The following SNX6 variants were observed in gnomAD, a reference collection of about 807,000 sequenced individuals.
The protein encoded by SNX6 is sorting nexin-6.
In SNX6, 34 loss-of-function variants were observed where a neutral mutation model predicts 63.0. The ratio of observed to expected loss-of-function variants is 0.54; its 90% CI spans 0.41 to 0.72. The LOEUF is 0.72. Ranked by LOEUF, SNX6 falls within the 30% of genes least tolerant of loss-of-function variation. The probability of loss-of-function intolerance (pLI) is 0.00; values close to 1 mark genes in which losing one functional copy is unlikely to be tolerated. For missense variants in SNX6, 398 were observed against 471.4 expected (o/e 0.84, Z 1.44); for synonymous variants, 170 against 164.2 (o/e 1.04, Z -0.27).
At chr14:34,602,206 A>G (rs1260109502) in intron 6 of SNX6, among the ~76,000 whole-genome samples, 1 of 151,834 alleles carries the variant, frequency 6.6e-6, no homozygotes, top group Non-Finnish European at 1.5e-5. Context: ...TGGGAGGATC[A>G]CCTGAGGCTG....
At chr14:34,592,187 A>C (rs1430273279) in intron 8 of SNX6, among the ~76,000 whole-genome samples, 1 of 152,134 alleles carries the variant, frequency 6.6e-6, no homozygotes, top group Non-Finnish European at 1.5e-5. Flanking sequence ...GGAGTTCAAG[A>C]CCATCCTGGC....
chr14:34,588,480 A>G (rs916523188), intron 8 of SNX6, among the ~76,000 whole-genome samples: 2 of 151,976 alleles, frequency 1.3e-5, no homozygotes, highest in African/African-American at 4.8e-5. Flanking sequence ...CGAACTCCTG[A>G]GCTCAAGCGA....
At chr14:34,568,356 G>A (rs1881285532) in intron 11 of SNX6, among the ~76,000 whole-genome samples, 3 of 151,536 alleles carry the variant, frequency 2.0e-5, no homozygotes, top group Non-Finnish European at 4.4e-5. Context: ...TCAGTCTCCC[G>A]AGTAGCTGAG....
At chr14:34,568,821 C>T in intron 11 of SNX6, 1 of 1,033,036 alleles carries the variant, frequency 9.7e-7, no homozygotes, top group Non-Finnish European at 1.5e-6. Flanking sequence ...CTTGGAGGAC[C>T]CGGTGGGCCA....
At chr14:34,608,903 C>A (rs958764060) in intron 3 of SNX6, among the ~76,000 whole-genome samples, 3 of 152,032 alleles carry the variant, frequency 2.0e-5, no homozygotes, top group Admixed American at 1.3e-4. Flanking sequence ...TGGCTTGTGC[C>A]TGTAGTCCCA....
At chr14:34,614,939 C>T (rs1280919605) in intron 2 of SNX6, among the ~76,000 whole-genome samples, 1 of 151,968 alleles carries the variant, frequency 6.6e-6, no homozygotes, top group Non-Finnish European at 1.5e-5. Flanking sequence ...TACACTTTTG[C>T]TTTCAGATTT....
chr14:34,574,956 A>G (rs1250299186), intron 11 of SNX6, among the ~76,000 whole-genome samples: 5 of 149,576 alleles, frequency 3.3e-5, no homozygotes, highest in East Asian at 2.0e-4. Context: ...CAATGGCGTG[A>G]TATCTGCTCA....
intron 8 of SNX6, among the ~76,000 whole-genome samples, chr14:34,588,222 T>C (rs1236864822): frequency 6.6e-6 from 1 of 152,048 alleles, no homozygotes; most frequent in Admixed American, 6.6e-5. Flanking sequence ...CTAGCCAGGA[T>C]GGTATCGATC....
At chr14:34,611,581 A>C (rs1315691783) in intron 2 of SNX6, among the ~76,000 whole-genome samples, 1 of 151,368 alleles carries the variant, frequency 6.6e-6, no homozygotes, top group Non-Finnish European at 1.5e-5. Flanking sequence ...CAAGAGATTG[A>C]GACCATACTG....
chr14:34,564,593 C>G (rs541775805), intron 13 of SNX6, among the ~76,000 whole-genome samples: 4 of 151,866 alleles, frequency 2.6e-5, no homozygotes, highest in Admixed American at 6.6e-5. Context: ...TCTGGGAAGC[C>G]GAGGTAGGCG....
rs554888962 is a variant in SNX6, at chr14:34,607,288, G to A, written c.270+742C>T. On this transcript the variant is annotated intron_variant, in intron 4 of 13. Coordinates refer to ENST00000362031, the MANE Select transcript of SNX6 (RefSeq NM_152233.4). ...TAAAAAAACATATCAGGCTGAGTGC[G>A]GCGTTTCATAACTGACAATTTAAAA... 3.0e-4 allele frequency among the ~76,000 whole-genome samples: 46 copies of A among 152,058 alleles called. No individual in the cohort carries two copies. In the South Asian group the frequency reaches 9.6e-3, roughly 32 times the overall value.
intron 7 of SNX6, 23 bp from the exon 8 acceptor site, chr14:34,593,173 A>T: frequency 6.8e-7 from 1 of 1,473,778 alleles, no homozygotes; most frequent in South Asian, 1.2e-5. Context: ...AAGAAAATAT[A>T]AACTTTTTTC....
Position 34,563,041 on chromosome 14 carries a change from A to G in SNX6, c.*81T>C, listed in dbSNP as rs878936603. The stretch of plus-strand genomic sequence containing the variant: ...TGCTTTTTGTTTGTTTCCAGTGAGC[A>G]TAAATGCTTAACATCATTAAGAAAA... On this transcript the variant is annotated 3_prime_UTR_variant, in exon 14 of 14. Coordinates refer to ENST00000362031, the MANE Select transcript of SNX6 (RefSeq NM_152233.4). 5 of 1,397,208 alleles carry G rather than the reference A, an allele frequency of 3.6e-6. No homozygotes were observed. In the South Asian group the frequency reaches 4.8e-5, roughly 13 times the overall value. The allele number at this position is 1,397,208 out of a possible 1,614,324, so 86.6% of individuals were successfully genotyped here.
At chr14:34,603,206 A>T in intron 6 of SNX6, 142 bp downstream of exon 6, 1 of 647,812 alleles carries the variant, frequency 1.5e-6, no homozygotes, top group Non-Finnish European at 2.4e-6. Context: ...TGAACCCGGG[A>T]GGCGGAGCTT....
intron 2 of SNX6, among the ~76,000 whole-genome samples, chr14:34,616,716 A>G (rs534445662): frequency 6.6e-5 from 10 of 152,224 alleles, no homozygotes; most frequent in African/African-American, 1.4e-4. Context: ...AGTTTAGCAA[A>G]AAGTCAATCA....
chr14:34,630,041 TC>T, intron 1 of SNX6, 69 bp downstream of exon 1: 1 of 1,434,878 alleles, frequency 7.0e-7, no homozygotes, highest in South Asian at 1.5e-5. Flanking sequence ...GCTGGCGCGG[TC>T]CCCGCGCCCG....
At chr14:34,565,818 T>G (rs1412622805) in intron 13 of SNX6, among the ~76,000 whole-genome samples, 1 of 152,060 alleles carries the variant, frequency 6.6e-6, no homozygotes, top group African/African-American at 2.4e-5. Context: ...GCCTCCTGAG[T>G]AGCTGGGACC....
chr14:34,605,519 A>T, intron 5 of SNX6, 77 bp downstream of exon 5: 1 of 1,241,806 alleles, frequency 8.1e-7, no homozygotes, highest in Non-Finnish European at 1.1e-6. Context: ...ACACCAAAAA[A>T]GGCATTAAAG....
chr14:34,583,239 G>A (rs1285312903), intron 9 of SNX6, among the ~76,000 whole-genome samples: 1 of 152,132 alleles, frequency 6.6e-6, no homozygotes, highest in Admixed American at 6.6e-5. Context: ...AACCCGGGAG[G>A]TGGAGCTTGC....
Sources: gnomAD v4.1 joint callset for allele counts (sites outside exome capture counted in the v4.1 genomes callset) on GRCh38, gnomAD v4.1.1 for gene constraint, MANE v1.5 for transcripts, NCBI Gene and HGNC (gene_info 2026-07-23, HGNC 2026-07-21) for gene names.